Variants in KLF8 observed in about 807,000 individuals in gnomAD.
KLF8 encodes the protein KLF transcription factor 8.
Under a neutral mutation model 18.2 loss-of-function variants are expected in KLF8, and 10 were observed. The ratio of observed to expected loss-of-function variants is 0.55; its 90% CI spans 0.34 to 0.93. The LOEUF (loss-of-function observed/expected upper bound fraction) is 0.93. KLF8 is among the 40% of genes least tolerant of loss of function. KLF8 has a pLI of 0.02. For missense variants in KLF8, 264 were observed against 277.9 expected, an observed-to-expected ratio of 0.95 and a Z score of 0.36; for synonymous variants, 109 against 97.3, an observed-to-expected ratio of 1.12 and a Z score of -0.71.
the KLF8 span, among the ~76,000 whole-genome samples, chrX:55,909,288 T>C: frequency 1.8e-5 from 2 of 112,742 alleles, no homozygotes; most frequent in Middle Eastern, 4.6e-3. Flanking sequence ...CCATACTTGG[T>C]TCTAATATCC....
the KLF8 span, among the ~76,000 whole-genome samples, chrX:56,025,130 A>C: frequency 8.9e-6 from 1 of 112,290 alleles, no homozygotes; most frequent in African/African-American, 3.2e-5. Context: ...AACATAACAC[A>C]AAGTGATTTT....
chrX:56,204,955 C>T, the KLF8 span, among the ~76,000 whole-genome samples: 1 of 110,819 alleles, frequency 9.0e-6, no homozygotes, highest in African/African-American at 3.3e-5. Context: ...TCCTTCCCCA[C>T]CTTTGTTCTA....
At chrX:56,240,203 G>T (rs2066526108) in intron 1 of KLF8, among the ~76,000 whole-genome samples, 1 of 112,142 alleles carries the variant, frequency 8.9e-6, no homozygotes, top group Admixed American at 9.5e-5. Flanking sequence ...ATTGGCTACT[G>T]CATTAACCTC....
chrX:56,052,163 C>T, the KLF8 span, among the ~76,000 whole-genome samples: 2 of 110,714 alleles, frequency 1.8e-5, no homozygotes, highest in African/African-American at 6.6e-5. Flanking sequence ...TCTAGTTATA[C>T]ATTCTTCTAA....
intron 5 of KLF8, among the ~76,000 whole-genome samples, chrX:56,271,805 C>T (rs2067061349): frequency 9.0e-6 from 1 of 111,054 alleles, no homozygotes; most frequent in Non-Finnish European, 1.9e-5. Flanking sequence ...GGTTCCTCAA[C>T]CGTAAGATGA....
At chrX:56,189,813 T>A in the KLF8 span, among the ~76,000 whole-genome samples, 5 of 87,927 alleles carry the variant, frequency 5.7e-5, no homozygotes, top group Non-Finnish European at 6.3e-5. Flanking sequence ...AGGTGGGAAT[T>A]GAACAATGAG....
Position 56,284,327 on chromosome X carries a change from A to G in KLF8, c.913A>G (p.Lys305Glu). The G allele has an allele frequency of 8.6e-7, 1 of 1,157,925 alleles. No homozygotes were observed. The highest frequency in any genetic ancestry group is 2.1e-5 in the South Asian group (1 of 47,834). ...TCCCTTTTTAGGAGAGAAGCCTTAT[A>G]AATGCACCTGGGATGGCTGCTCCTG... ...RRIHTGEKPY[K>E]CTWDGCSWKF... Residue 305 changes from lysine (K) to glutamate (E), a missense_variant, in exon 6 of 6, where the codon AAA becomes GAA. Lys to Glu is a moderately conservative substitution (Grantham distance 56, BLOSUM62 1). Coordinates refer to ENST00000468660, the MANE Select transcript of KLF8 (RefSeq NM_007250.5).
At chrX:56,137,914 A>G in the KLF8 span, among the ~76,000 whole-genome samples, 1 of 109,098 alleles carries the variant, frequency 9.2e-6, no homozygotes, top group African/African-American at 3.3e-5. Flanking sequence ...ACAAAACTAA[A>G]ATTTAGCTCT....
the KLF8 span, among the ~76,000 whole-genome samples, chrX:55,989,987 G>A: frequency 8.9e-6 from 1 of 111,755 alleles, no homozygotes; most frequent in East Asian, 2.8e-4. Context: ...TAGTTTATTT[G>A]CCTAGAGGTG....
the KLF8 span, among the ~76,000 whole-genome samples, chrX:55,926,368 A>G: frequency 9.1e-6 from 1 of 110,411 alleles, no homozygotes; most frequent in Non-Finnish European, 1.9e-5. Flanking sequence ...CATGCTTCCT[A>G]TCTGTGTATT....
the KLF8 span, among the ~76,000 whole-genome samples, chrX:56,023,545 A>G: frequency 8.9e-6 from 1 of 112,065 alleles, no homozygotes; most frequent in Middle Eastern, 4.6e-3. Flanking sequence ...AGGGCATTTT[A>G]TAATGATAAA....
At chrX:55,920,139 C>T in the KLF8 span, among the ~76,000 whole-genome samples, 1 of 111,742 alleles carries the variant, frequency 8.9e-6, no homozygotes, top group Non-Finnish European at 1.9e-5. Context: ...GTAGCTCCCC[C>T]GGGTGGCTAG....
the KLF8 span, among the ~76,000 whole-genome samples, chrX:56,001,856 A>G: frequency 1.8e-5 from 2 of 111,987 alleles, no homozygotes; most frequent in Admixed American, 1.9e-4. Flanking sequence ...TAACCTCCTC[A>G]AATGCTCTCT....
chrX:55,951,478 CAAA>C, the KLF8 span, among the ~76,000 whole-genome samples: 2 of 39,853 alleles, frequency 5.0e-5, no homozygotes, highest in Non-Finnish European at 9.9e-5. Flanking sequence ...AACTCCGTCT[CAAA>C]AAAAAAAAAA....
the KLF8 span, among the ~76,000 whole-genome samples, chrX:56,189,956 C>T: frequency 7.5e-5 from 8 of 106,633 alleles, no homozygotes; most frequent in African/African-American, 2.7e-4. Flanking sequence ...ACCAGCATGG[C>T]ACATGTATAC....
chrX:56,042,112 T>A, the KLF8 span, among the ~76,000 whole-genome samples: 2 of 112,183 alleles, frequency 1.8e-5, no homozygotes, highest in African/African-American at 6.5e-5. Flanking sequence ...ACTTACTGAT[T>A]TCTGGCTTAA....
At chrX:56,193,800 A>G in the KLF8 span, among the ~76,000 whole-genome samples, 1 of 111,613 alleles carries the variant, frequency 9.0e-6, no homozygotes, top group Non-Finnish European at 1.9e-5. Flanking sequence ...GAGTAGAAGG[A>G]TGTTTACCAT....
the KLF8 span, among the ~76,000 whole-genome samples, chrX:56,158,752 G>C: frequency 1.8e-5 from 2 of 112,165 alleles, no homozygotes; most frequent in African/African-American, 3.2e-5. Context: ...CTGAGACTTT[G>C]CTGAAGTTGC....
At chrX:56,199,590 G>A in the KLF8 span, among the ~76,000 whole-genome samples, 2 of 111,885 alleles carry the variant, frequency 1.8e-5, no homozygotes, top group Non-Finnish European at 3.8e-5. Context: ...AACAGATGCT[G>A]GAGAGGACGT....
Sources: allele counts gnomAD v4.1 joint callset (sites outside exome capture counted in the v4.1 genomes callset), GRCh38; gene constraint gnomAD v4.1.1; transcripts MANE v1.5; gene names NCBI Gene and HGNC (gene_info 2026-07-23, HGNC 2026-07-21).